Variants in DIS3L2 observed in about 807,000 individuals in gnomAD.
DIS3L2 encodes the protein DIS3-like exonuclease 2.
DIS3L2 carries 34 observed loss-of-function variants against 97.5 expected under a neutral mutation model. That is an observed-to-expected ratio of 0.35 (90% CI 0.27 to 0.46). The LOEUF (loss-of-function observed/expected upper bound fraction) is 0.46. DIS3L2 is among the 20% of genes least tolerant of loss of function. The probability of loss-of-function intolerance (pLI) is 1.00; values close to 1 mark genes in which losing one functional copy is unlikely to be tolerated. For missense variants in DIS3L2, 1,038 were observed against 1,146.0 expected (o/e 0.91, Z 1.36); for synonymous variants, 435 against 445.2 (o/e 0.98, Z 0.29).
At chr2:232,102,615 G>T (rs887879711) in intron 6 of DIS3L2, among the ~76,000 whole-genome samples, 4 of 152,220 alleles carry the variant, frequency 2.6e-5, no homozygotes, top group Non-Finnish European at 5.9e-5. Flanking sequence ...CAAATCAAGA[G>T]AGAATGGGTG....
At chr2:232,241,409 T>C (rs140021421) in intron 11 of DIS3L2, among the ~76,000 whole-genome samples, 1 of 152,362 alleles carries the variant, frequency 6.6e-6, no homozygotes, top group African/African-American at 2.4e-5. Context: ...AAGTGACTGA[T>C]GCCAGAACTG....
chr2:232,118,247 T>G (rs1409537969), intron 6 of DIS3L2, among the ~76,000 whole-genome samples: 1 of 152,152 alleles, frequency 6.6e-6, no homozygotes, highest in Non-Finnish European at 1.5e-5. Context: ...AATATTTCGT[T>G]GGTTAGAAAC....
At chr2:232,138,895 A>G (rs1698433078) in intron 8 of DIS3L2, among the ~76,000 whole-genome samples, 2 of 152,318 alleles carry the variant, frequency 1.3e-5, no homozygotes, top group South Asian at 4.1e-4. Flanking sequence ...ATTCAAGTTC[A>G]AAGTCATTTT....
At chr2:232,095,444 C>T (rs1304054689) in intron 6 of DIS3L2, among the ~76,000 whole-genome samples, 1 of 152,166 alleles carries the variant, frequency 6.6e-6, no homozygotes, top group Non-Finnish European at 1.5e-5. Flanking sequence ...AATAAAAACT[C>T]TACACTGTAA....
downstream of DIS3L2, chr2:232,339,735 A>C (rs1385011021): frequency 2.2e-5 from 10 of 456,054 alleles, no homozygotes; most frequent in Middle Eastern, 3.5e-4. Context: ...CATGGACGAG[A>C]GAGCCGGGCC....
intron 10 of DIS3L2, among the ~76,000 whole-genome samples, chr2:232,216,196 G>A (rs1378940550): frequency 1.3e-5 from 2 of 152,198 alleles, no homozygotes; most frequent in Admixed American, 6.5e-5. Context: ...TTTACAGTGT[G>A]GCTTCAGAAT....
chr2:231,983,887 TAAA>T (rs201338126), intron 1 of DIS3L2, among the ~76,000 whole-genome samples: 2 of 135,390 alleles, frequency 1.5e-5, no homozygotes, highest in Non-Finnish European at 1.6e-5. Flanking sequence ...AGACTCATCT[TAAA>T]AAAAAAAAAA....
intron 9 of DIS3L2, among the ~76,000 whole-genome samples, chr2:232,182,206 G>A (rs1400962423): frequency 6.6e-6 from 1 of 152,088 alleles, no homozygotes; most frequent in Non-Finnish European, 1.5e-5. Context: ...TTATTTAGGA[G>A]TAGGTTGTTT....
intron 10 of DIS3L2, among the ~76,000 whole-genome samples, chr2:232,234,276 A>G (rs754375623): frequency 1.3e-5 from 2 of 152,258 alleles, no homozygotes; most frequent in Non-Finnish European, 2.9e-5. Context: ...AGTCAAAGTT[A>G]GCTTGTGTGT....
intron 5 of DIS3L2, among the ~76,000 whole-genome samples, chr2:232,054,783 C>T (rs1483149601): frequency 6.6e-6 from 1 of 152,062 alleles, no homozygotes; most frequent in Non-Finnish European, 1.5e-5. Flanking sequence ...GATATCAAAA[C>T]GTGACAAAGA....
intron 4 of DIS3L2, among the ~76,000 whole-genome samples, chr2:232,024,660 T>C (rs1694609400): frequency 6.6e-6 from 1 of 152,214 alleles, no homozygotes; most frequent in Non-Finnish European, 1.5e-5. Context: ...TCCACCGATT[T>C]AAGTTAATCT....
chr2:232,299,364 G>A (rs1015831135), intron 13 of DIS3L2, among the ~76,000 whole-genome samples: 4 of 152,036 alleles, frequency 2.6e-5, no homozygotes, highest in African/African-American at 7.2e-5. Context: ...TCTTTTCTTC[G>A]CTGTTAAGGT....
At chr2:232,210,479 G>T (rs764785786) in intron 10 of DIS3L2, 74 bp downstream of exon 10, 43 of 1,369,382 alleles carry the variant, frequency 3.1e-5, no homozygotes, top group Non-Finnish European at 4.1e-5. Flanking sequence ...TGGCTGCCCT[G>T]TGCTGCCTAG....
At chr2:231,984,384 CTTTTTTTTTTTT>C (rs1297535054) in intron 1 of DIS3L2, among the ~76,000 whole-genome samples, 1 of 126,022 alleles carries the variant, frequency 7.9e-6, no homozygotes, top group African/African-American at 2.9e-5. Flanking sequence ...ACTGCAACTT[CTTTTTTTTTTTT>C]TTTTTTTTGA....
In DIS3L2 at chr2:232,157,454, CAGTGAA is replaced by C. The variant is rs1690523099; in HGVS notation, c.951-6003_951-5998del. 4.6e-5 allele frequency among the ~76,000 whole-genome samples: 7 copies of C among 152,306 alleles called. No homozygotes were observed. The South Asian group carries it at 1.4e-3, about 32-fold the overall frequency. On this transcript the variant is annotated intron_variant, in intron 8 of 20. Transcript: ENST00000325385. ...AGTCAGATCATTACATCATGCCAGT[CAGTGAA>C]ATGTATGGGCTTTGCTTCTTCCAAA...
At chr2:232,262,197 A>G (rs138884746) in intron 12 of DIS3L2, among the ~76,000 whole-genome samples, 6 of 151,442 alleles carry the variant, frequency 4.0e-5, no homozygotes, top group African/African-American at 9.7e-5. Context: ...ACCTCCCCCA[A>G]CCGCCCTTTC....
chr2:232,070,903 T>C (rs541781725), intron 5 of DIS3L2, among the ~76,000 whole-genome samples: 11 of 152,158 alleles, frequency 7.2e-5, no homozygotes, highest in African/African-American at 2.4e-4. Context: ...CTTTAGTTGA[T>C]TGTGGTGGCC....
In DIS3L2 at chr2:232,133,513, A is replaced by G. The variant is rs371638020; in HGVS notation, c.702+2794A>G. On this transcript the variant is annotated intron_variant, in intron 7 of 20. Transcript: ENST00000325385. ...AGGATACAATTGGAAACCACCAATC[A>G]TATCAAGAACCAGGAAGATCACAAC... Among the ~76,000 whole-genome samples, 16 of 152,236 alleles carry G rather than the reference A, an allele frequency of 1.1e-4. 1 individual carries two copies. The East Asian group carries it at 1.3e-3, about 13-fold the overall frequency.
intron 10 of DIS3L2, among the ~76,000 whole-genome samples, chr2:232,229,093 G>T (rs1365952814): frequency 6.6e-6 from 1 of 151,930 alleles, no homozygotes. Flanking sequence ...CTATTGGCTC[G>T]TTGTTGTTTT....
Sources: allele counts gnomAD v4.1 joint callset (sites outside exome capture counted in the v4.1 genomes callset), GRCh38; gene constraint gnomAD v4.1.1; transcripts MANE v1.5; gene names NCBI Gene and HGNC (gene_info 2026-07-23, HGNC 2026-07-21).